The following ROR1 variants were observed in gnomAD, a reference collection of about 807,000 sequenced individuals.
ROR1 encodes the protein inactive tyrosine-protein kinase transmembrane receptor ROR1.
A neutral mutation model predicts 78.8 loss-of-function variants in ROR1; 19 were observed. The observed-to-expected ratio is 0.24, with a 90% CI of 0.17 to 0.35. The LOEUF (loss-of-function observed/expected upper bound fraction) is 0.35. Among genes scored for constraint, ROR1 ranks in the 10% least tolerant of loss-of-function variants. The pLI is 1.00. For missense variants in ROR1, 917 were observed against 1,177.8 expected (o/e 0.78, Z 3.24); for synonymous variants, 386 against 433.6 (o/e 0.89, Z 1.36).
At chr1:63,885,023 T>C (rs1422925239) in intron 1 of ROR1, among the ~76,000 whole-genome samples, 2 of 152,144 alleles carry the variant, frequency 1.3e-5, no homozygotes, top group Non-Finnish European at 2.9e-5. Context: ...ACTCTAAAAA[T>C]GTGAGGAAAT....
rs58622476 is a variant in ROR1, at chr1:64,016,733, T to TTATATATATATATATATATATATATATA, written c.163+7373_163+7374insTATATATATATATATATATATATATATA. Among the ~76,000 whole-genome samples, 391 of 140,466 alleles carry TTATATATATATATATATATATATATATA rather than the reference T, an allele frequency of 2.8e-3. 7 individuals are homozygous for TTATATATATATATATATATATATATATA. The highest frequency in any genetic ancestry group is 3.7e-3 in the Non-Finnish European group (238 of 64,466). The allele number at this position is 140,466 out of a possible 152,430, so 92.2% of individuals were successfully genotyped here. ...ATGTACCCTAGAACTTAAAATATAA[T>TTATATATATATATATATATATATATATA]TATATATATATATATAAAGATTTTA... On this transcript the variant is annotated intron_variant, in intron 2 of 8. Transcript: ENST00000371079.
chr1:63,789,717 ACT>A (rs1644714191), intron 1 of ROR1, among the ~76,000 whole-genome samples: 1 of 116,478 alleles, frequency 8.6e-6, no homozygotes, highest in African/African-American at 3.4e-5. Context: ...AGGCACTGTC[ACT>A]CTCTTTTGGG....
At chr1:63,788,892 G>C in intron 1 of ROR1, 1 of 881,600 alleles carries the variant, frequency 1.1e-6, no homozygotes, top group South Asian at 1.3e-5. Flanking sequence ...TGTGTTCCAT[G>C]AGAATCGCTT....
intron 1 of ROR1, among the ~76,000 whole-genome samples, chr1:63,854,976 T>C (rs1645139480): frequency 6.6e-6 from 1 of 152,074 alleles, no homozygotes; most frequent in Non-Finnish European, 1.5e-5. Context: ...TATTTTAAAA[T>C]TTGTATTATT....
intron 1 of ROR1, among the ~76,000 whole-genome samples, chr1:63,861,871 A>G (rs1645184418): frequency 1.3e-5 from 2 of 152,186 alleles, no homozygotes; most frequent in African/African-American, 4.8e-5. Context: ...GTGATAATAT[A>G]GGACTTTAGA....
intron 1 of ROR1, among the ~76,000 whole-genome samples, chr1:63,987,653 A>G (rs1646263145): frequency 6.6e-6 from 1 of 152,208 alleles, no homozygotes. Flanking sequence ...TGTTCTCAGA[A>G]GTTTTAACGA....
chr1:63,787,271 C>T (rs2819136), intron 1 of ROR1, among the ~76,000 whole-genome samples: 3,612 of 152,288 alleles, frequency 0.024, 146 homozygotes, highest in African/African-American at 0.082. Context: ...AGTATTCTCA[C>T]ATAGGCCGTC....
chr1:64,171,671 T>G (rs747476365), intron 8 of ROR1, among the ~76,000 whole-genome samples: 3 of 152,190 alleles, frequency 2.0e-5, no homozygotes, highest in Non-Finnish European at 2.9e-5. Flanking sequence ...GACTTATGAA[T>G]ATGGATCCTG....
intron 8 of ROR1, among the ~76,000 whole-genome samples, chr1:64,173,618 C>T (rs1282630127): frequency 6.6e-6 from 1 of 152,166 alleles, no homozygotes; most frequent in Non-Finnish European, 1.5e-5. Flanking sequence ...ATTCTTGATA[C>T]TTTCTTTAGC....
intron 1 of ROR1, among the ~76,000 whole-genome samples, chr1:64,000,733 T>C (rs969791814): frequency 6.6e-6 from 1 of 152,214 alleles, no homozygotes; most frequent in Non-Finnish European, 1.5e-5. Flanking sequence ...TTCTAATACA[T>C]AGGTCTCCTC....
intron 7 of ROR1, among the ~76,000 whole-genome samples, chr1:64,151,573 T>A (rs1426760738): frequency 6.6e-6 from 1 of 151,898 alleles, no homozygotes; most frequent in Non-Finnish European, 1.5e-5. Flanking sequence ...TTAAATAAAT[T>A]GTTTCAAGAA....
chr1:64,042,013 C>T (rs779898802), intron 2 of ROR1, among the ~76,000 whole-genome samples: 4 of 152,130 alleles, frequency 2.6e-5, no homozygotes, highest in Non-Finnish European at 5.9e-5. Flanking sequence ...AATGTCTCAG[C>T]ATTGGTTTCT....
chr1:63,789,674 CTTTTTTTTTTTT>C (rs902307163), intron 1 of ROR1, among the ~76,000 whole-genome samples: 2 of 102,586 alleles, frequency 1.9e-5, no homozygotes, highest in East Asian at 2.7e-4. Context: ...CCTTCCTCTC[CTTTTTTTTTTTT>C]TTTTTTTTTT....
In ROR1 at chr1:63,853,993, C is replaced by T. The variant is rs114317441; in HGVS notation, c.91+79485C>T. On this transcript the variant is annotated intron_variant, in intron 1 of 8. Coordinates refer to ENST00000371079, the MANE Select transcript of ROR1 (RefSeq NM_005012.4). ...TAACTAATGCTGCTGTGACTGTGGC[C>T]TAGCCTCTTACTCTTTCTGGATCTC... is the stretch of plus-strand genomic sequence containing the variant. 1.9e-3 allele frequency among the ~76,000 whole-genome samples: 295 copies of T among 152,262 alleles called. 2 individuals carry two copies. Among genetic ancestry groups the T allele is most frequent in the African/African-American group, 6.6e-3 (275 of 41,544 alleles).
chr1:63,783,981 T>C (rs374747630), intron 1 of ROR1, among the ~76,000 whole-genome samples: 1 of 151,988 alleles, frequency 6.6e-6, no homozygotes, highest in East Asian at 1.9e-4. Flanking sequence ...TGAACCTGCA[T>C]ATCCTAAGGC....
intron 1 of ROR1, chr1:63,789,201 G>A: frequency 1.7e-6 from 1 of 600,896 alleles, no homozygotes; most frequent in Non-Finnish European, 3.2e-6. Context: ...ACAGGAGTTG[G>A]CATTGGAGAT....
chr1:63,955,617 T>G (rs1017941507), intron 1 of ROR1, among the ~76,000 whole-genome samples: 1 of 152,216 alleles, frequency 6.6e-6, no homozygotes, highest in African/African-American at 2.4e-5. Context: ...TCTTTTCTTC[T>G]TATTCTTCTT....
In ROR1 at chr1:63,898,791, T is replaced by G. The variant is rs1467742069; in HGVS notation, c.92-110514T>G. ...CCGTACTCACTGCAGAGGGAGTTTT[T>G]CCCCCTGCCTAGGAGGTCAGGGAAG... On this transcript the variant is annotated intron_variant, in intron 1 of 8. Transcript: ENST00000371079. Among the ~76,000 whole-genome samples the G allele has an allele frequency of 2.0e-5, 3 of 151,930 alleles. No individual in the cohort carries two copies. The East Asian group carries it at 5.8e-4, about 29-fold the overall frequency.
Position 64,072,205 on chromosome 1 carries a change from G to C in ROR1, c.482+21489G>C, listed in dbSNP as rs1469056685. Reference sequence around the variant, plus strand: ...ATGCAAAGAATTGCAAGGATCATGAGAGATAATTTGTGTCATTCACTTTGC... The same window carrying C: ...ATGCAAAGAATTGCAAGGATCATGACAGATAATTTGTGTCATTCACTTTGC... On this transcript the variant is annotated intron_variant, in intron 4 of 8. Transcript: ENST00000371079. Among the ~76,000 whole-genome samples, 23 of 152,218 alleles carry C rather than the reference G, an allele frequency of 1.5e-4. 1 individual carries two copies. The highest frequency in any genetic ancestry group is 2.9e-5 in the Non-Finnish European group (2 of 68,038).
Sources: gnomAD v4.1 joint callset for allele counts (sites outside exome capture counted in the v4.1 genomes callset) on GRCh38, gnomAD v4.1.1 for gene constraint, MANE v1.5 for transcripts, NCBI Gene and HGNC (gene_info 2026-07-23, HGNC 2026-07-21) for gene names.